The following COLGALT1 variants were observed in gnomAD, a reference collection of about 807,000 sequenced individuals.
COLGALT1 encodes procollagen galactosyltransferase 1.
A neutral mutation model predicts 60.8 loss-of-function variants in COLGALT1; 43 were observed. The observed-to-expected ratio is 0.71, with a 90% CI of 0.55 to 0.91. The LOEUF (loss-of-function observed/expected upper bound fraction) is 0.91. Among genes scored for constraint, COLGALT1 ranks in the 40% least tolerant of loss-of-function variants. COLGALT1 has a pLI of 0.00. For missense variants in COLGALT1, 845 were observed against 880.0 expected (o/e 0.96, Z 0.50); for synonymous variants, 369 against 374.2 (o/e 0.99, Z 0.16).
intron 1 of COLGALT1, among the ~76,000 whole-genome samples, chr19:17,556,178 G>A (rs1393324731): frequency 1.3e-5 from 2 of 152,196 alleles, no homozygotes; most frequent in Non-Finnish European, 2.9e-5. Context: ...CGTGCCCCCT[G>A]CCTGCTGTCC....
At chr19:17,574,889 C>T (rs1424732223) in intron 6 of COLGALT1, among the ~76,000 whole-genome samples, 3 of 152,128 alleles carry the variant, frequency 2.0e-5, no homozygotes, top group African/African-American at 7.2e-5. Context: ...GACAGAGTCT[C>T]GCTGTTACCC....
chr19:17,557,014 G>C (rs2076216150), intron 1 of COLGALT1, among the ~76,000 whole-genome samples: 1 of 152,218 alleles, frequency 6.6e-6, no homozygotes, highest in Admixed American at 6.5e-5. Flanking sequence ...CCTTGGGTCT[G>C]GCATGGGCTT....
At chr19:17,566,834 C>T (rs2076282034) in intron 3 of COLGALT1, among the ~76,000 whole-genome samples, 1 of 152,046 alleles carries the variant, frequency 6.6e-6, no homozygotes, top group Middle Eastern at 3.2e-3. Context: ...AAATAGTAGG[C>T]CAGGCATGGT....
In COLGALT1 at chr19:17,579,508, G is replaced by C. The variant is rs956016450; in HGVS notation, c.1293G>C (p.Ser431=). The change falls in exon 10 of 12, where the codon TCG becomes TCC. Residue 431 remains serine, a synonymous_variant. Coordinates refer to ENST00000252599, the MANE Select transcript of COLGALT1 (RefSeq NM_024656.4). The stretch of plus-strand genomic sequence containing the variant: ...TGGTGGACCGGGGGCTGCAGAAATC[G>C]CTTGTGTTTGAGGATGACCTGCGTT... ...KEVVDRGLQK[S]LVFEDDLRFE... is the part of the protein sequence containing the mutation. 12 of 1,614,006 alleles carry C rather than the reference G, an allele frequency of 7.4e-6. No individual in the cohort carries two copies. In the African/African-American group the frequency reaches 9.3e-5, roughly 13 times the overall value.
intron 1 of COLGALT1, among the ~76,000 whole-genome samples, chr19:17,558,281 G>T (rs1387133725): frequency 6.6e-6 from 1 of 150,652 alleles, no homozygotes; most frequent in Non-Finnish European, 1.5e-5. Context: ...CGCCATGTTG[G>T]CCAGGCTGGT....
Position 17,581,462 on chromosome 19 carries a change from G to A in COLGALT1, c.*18G>A, listed in dbSNP as rs769753327. The A allele has an allele frequency of 5.0e-6, 8 of 1,597,226 alleles. No homozygotes were observed. The highest frequency in any genetic ancestry group is 1.7e-4 in the Middle Eastern group (1 of 6,046). ...AACTCTGAGGGGTAGCAGCCAGAAA[G>A]CCAAAGCAGCCATCGGTGGCCCAGG... On this transcript the variant is annotated 3_prime_UTR_variant, in exon 12 of 12. Coordinates refer to ENST00000252599, the MANE Select transcript of COLGALT1 (RefSeq NM_024656.4).
intron 6 of COLGALT1, among the ~76,000 whole-genome samples, chr19:17,575,987 C>T (rs1295339064): frequency 6.6e-6 from 1 of 152,152 alleles, no homozygotes; most frequent in African/African-American, 2.4e-5. Flanking sequence ...CTCATGACAT[C>T]TCTTTGTGAA....
rs902878245 is a variant in COLGALT1, at chr19:17,581,503, G to C, written c.*59G>C. 22 of 1,556,404 alleles carry C rather than the reference G, an allele frequency of 1.4e-5. No homozygotes were observed. Among genetic ancestry groups the C allele is most frequent in the Non-Finnish European group, 1.8e-5 (21 of 1,157,510 alleles). On this transcript the variant is annotated 3_prime_UTR_variant, in exon 12 of 12. Coordinates refer to ENST00000252599, the MANE Select transcript of COLGALT1 (RefSeq NM_024656.4). ...GTGGCCCAGGCTCCACGTGCTTACT[G>C]AGGACATCAGGTCCACCTCTGGACC...
chr19:17,571,495 C>G (rs751502477), intron 5 of COLGALT1, among the ~76,000 whole-genome samples: 3 of 151,746 alleles, frequency 2.0e-5, no homozygotes, highest in Non-Finnish European at 4.4e-5. Flanking sequence ...CAGTGGATCA[C>G]TTGAGGTCAG....
Position 17,559,524 on chromosome 19 carries a change from C to T in COLGALT1, c.371+103C>T. ...CAGAACAATTACAGGCCCTCAGTCCCTGCCTCCAGCCCAGCCAGGCAGCAT... is the reference window on the plus strand; with the variant it reads ...CAGAACAATTACAGGCCCTCAGTCCTTGCCTCCAGCCCAGCCAGGCAGCAT... On this transcript the variant is annotated intron_variant, in intron 2 of 11. Coordinates refer to ENST00000252599, the MANE Select transcript of COLGALT1 (RefSeq NM_024656.4). 3 of 862,408 alleles carry T rather than the reference C, an allele frequency of 3.5e-6. No homozygotes were observed. In the East Asian group the frequency reaches 8.0e-5, roughly 23 times the overall value. 53.4% of individuals were successfully genotyped at this position (862,408 alleles called of 1,614,324 possible).
At chr19:17,573,851 A>G (rs372983915) in intron 6 of COLGALT1, among the ~76,000 whole-genome samples, 5 of 150,856 alleles carry the variant, frequency 3.3e-5, no homozygotes, top group African/African-American at 1.2e-4. Context: ...GCGTGATGGC[A>G]CACACCTGTG....
rs1199859597 is a variant in COLGALT1, at chr19:17,577,394, C to G, written c.1060C>G (p.Arg354Gly). Residue 354 changes from arginine to glycine, a missense_variant, in exon 8 of 12, where the codon CGG becomes GGG. Transcript: ENST00000252599. ...GATCAACCTGAGGCGGCGGCAGGAC[C>G]GGCGGGAGCGCATGCTGCGGGCGCT... ...FMINLRRRQD[R>G]RERMLRALQA... is the part of the protein sequence containing the mutation. 6.4e-7 allele frequency: 1 copy of G among 1,574,300 alleles called. No homozygotes were observed.
chr19:17,565,537 G>A (rs1279177282), intron 3 of COLGALT1, among the ~76,000 whole-genome samples: 2 of 151,650 alleles, frequency 1.3e-5, no homozygotes, highest in African/African-American at 2.4e-5. Context: ...ATGGTGGTGC[G>A]CGCCTGTATT....
intron 3 of COLGALT1, 26 bp from the exon 4 acceptor site, chr19:17,567,380 C>T: frequency 1.2e-6 from 2 of 1,612,232 alleles, no homozygotes; most frequent in South Asian, 2.2e-5. Context: ...GCAGCCCATG[C>T]TGATGCTTTG....
rs755607052 is a variant in COLGALT1, at chr19:17,572,517, C to T, written c.864C>T (p.Tyr288=). 1.3e-5 allele frequency: 21 copies of T among 1,614,042 alleles called. No individual in the cohort carries two copies. The South Asian group carries it at 1.4e-4, about 11-fold the overall frequency. Residue 288 remains tyrosine (Y), a synonymous_variant, in exon 6 of 12, where the codon TAC becomes TAT. Coordinates refer to ENST00000252599, the MANE Select transcript of COLGALT1 (RefSeq NM_024656.4). ...TGTATGTGTGCAACAAGGAGGAGTACGGATTCTTGCCAGTGCCATTGCGCG... is the reference window on the plus strand; with the variant it reads ...TGTATGTGTGCAACAAGGAGGAGTATGGATTCTTGCCAGTGCCATTGCGCG... ...VQMYVCNKEE[Y]GFLPVPLRAH...
rs536407039 is a variant in COLGALT1, at chr19:17,568,494, G to A, written c.625-15G>A. ...TTCAAGACCCCTACGCGGAACTCTC[G>A]CTCTCTCCCCACAGGGCTACTACAA... is the stretch of plus-strand genomic sequence containing the variant. On this transcript the variant is annotated splice_polypyrimidine_tract_variant and intron_variant, in intron 4 of 11. Transcript: ENST00000252599. The A allele has an allele frequency of 3.0e-5, 49 of 1,610,820 alleles. No individual in the cohort carries two copies. The highest frequency in any genetic ancestry group is 5.0e-5 in the Admixed American group (3 of 59,970).
In COLGALT1 at chr19:17,581,684, CTG is replaced by C; in HGVS notation, c.*242_*243del. The C allele has an allele frequency of 1.7e-6, 1 of 581,348 alleles. No individual in the cohort carries two copies. The highest frequency in any genetic ancestry group is 3.0e-6 in the Non-Finnish European group (1 of 328,058). 36.0% of individuals were successfully genotyped at this position (581,348 alleles called of 1,614,324 possible). Reference sequence around the variant, plus strand: ...TTGGGAGGAACCAAGCCCTCTTCATCTGTTCATGTGCCCAGCATTTATTAAGC... The same window carrying C: ...TTGGGAGGAACCAAGCCCTCTTCATCTTCATGTGCCCAGCATTTATTAAGC... On this transcript the variant is annotated 3_prime_UTR_variant, in exon 12 of 12. Coordinates refer to ENST00000252599, the MANE Select transcript of COLGALT1 (RefSeq NM_024656.4).
chr19:17,577,003 T>TGAGAGGCAGGCCGGGGGGCGGGGTGAAGC, intron 6 of COLGALT1, 192 bp from the exon 7 acceptor site: 1 of 587,596 alleles, frequency 1.7e-6, no homozygotes. Flanking sequence ...TGGCCAGGGC[T>TGAGAGGCAGGCCGGGGGGCGGGGTGAAGC]TTGGGCTGCT....
At chr19:17,556,049 G>A in intron 1 of COLGALT1, 76 bp downstream of exon 1, 4 of 1,251,950 alleles carry the variant, frequency 3.2e-6, no homozygotes, top group Non-Finnish European at 4.0e-6. Flanking sequence ...GTGGGTCCAC[G>A]CGAGCCCCTG....
Sources: allele counts gnomAD v4.1 joint callset (sites outside exome capture counted in the v4.1 genomes callset), GRCh38; gene constraint gnomAD v4.1.1; transcripts MANE v1.5; gene names NCBI Gene and HGNC (gene_info 2026-07-23, HGNC 2026-07-21).